The following DIAPH2 variants were observed in gnomAD, a reference collection of about 807,000 sequenced individuals.
DIAPH2 encodes the protein protein diaphanous homolog 2.
A neutral mutation model predicts 92.7 loss-of-function variants in DIAPH2; 35 were observed. The ratio of observed to expected loss-of-function variants is 0.38; its 90% CI spans 0.29 to 0.50. DIAPH2 has a LOEUF of 0.50. DIAPH2 is among the 20% of genes least tolerant of loss of function. The pLI is 0.94. For synonymous variants in DIAPH2, 301 were observed against 280.4 expected (o/e 1.07, Z -0.73); for missense variants, 701 against 819.5 (o/e 0.86, Z 1.77).
At chrX:97,008,920 C>T (rs1257176212) in intron 17 of DIAPH2, among the ~76,000 whole-genome samples, 4 of 111,156 alleles carry the variant, frequency 3.6e-5, no homozygotes, top group Admixed American at 9.6e-5. Context: ...ATGGTAAACA[C>T]TGCCAGGCTA....
In DIAPH2 at chrX:96,835,718, G is replaced by A. The variant is rs112909250; in HGVS notation, c.448-45861G>A. On this transcript the variant is annotated intron_variant, in intron 4 of 26. Transcript: ENST00000324765. Reference sequence around the variant, plus strand: ...AGAATGCTATTTATGTACAAATGCAGTTATCTGTTTAACTACAAAAAATGA... The same window carrying A: ...AGAATGCTATTTATGTACAAATGCAATTATCTGTTTAACTACAAAAAATGA... 7.6e-3 allele frequency among the ~76,000 whole-genome samples: 858 copies of A among 112,319 alleles called. 7 individuals carry two copies. Among genetic ancestry groups the A allele is most frequent in the African/African-American group, 0.026 (819 of 30,956 alleles).
At chrX:96,754,183 T>C (rs2064210033) in intron 3 of DIAPH2, among the ~76,000 whole-genome samples, 1 of 112,029 alleles carries the variant, frequency 8.9e-6, no homozygotes, top group Non-Finnish European at 1.9e-5. Context: ...TCCAGTCAGA[T>C]TTTTTTCATC....
chrX:97,320,185 A>T (rs1000822779), intron 23 of DIAPH2, among the ~76,000 whole-genome samples: 4 of 109,015 alleles, frequency 3.7e-5, no homozygotes, highest in Non-Finnish European at 5.7e-5. Flanking sequence ...TTGAAAGACT[A>T]TGTTTTTCTG....
At chrX:96,917,519 C>G (rs1428133108) in intron 8 of DIAPH2, among the ~76,000 whole-genome samples, 1 of 111,141 alleles carries the variant, frequency 9.0e-6, no homozygotes, top group Non-Finnish European at 1.9e-5. Flanking sequence ...TTTTAAAAGT[C>G]AGTTTATACA....
rs1311896827 is a variant in DIAPH2 at position 97,602,926 on chromosome X, TCTA to T, written c.*3611_*3613del. ...ACATTCTCAAAAATCTTGTGGGTCT[TCTA>T]CGTATGTCACATTGATTCACACATT... is the stretch of plus-strand genomic sequence containing the variant. On this transcript the variant is annotated 3_prime_UTR_variant, in exon 27 of 27. Coordinates refer to ENST00000324765, the MANE Select transcript of DIAPH2 (RefSeq NM_006729.5). 1 of 111,043 alleles carries T rather than the reference TCTA, an allele frequency of 9.0e-6. No homozygotes were observed. Among genetic ancestry groups the T allele is most frequent in the Admixed American group, 9.5e-5 (1 of 10,488 alleles). The allele number at this position is 111,043 out of a possible 1,213,427, so 9.2% of individuals were successfully genotyped here.
At chrX:97,399,772 C>G (rs914968346) in intron 25 of DIAPH2, among the ~76,000 whole-genome samples, 4 of 112,385 alleles carry the variant, frequency 3.6e-5, no homozygotes, top group Non-Finnish European at 7.5e-5. Flanking sequence ...GTAGAAGGAC[C>G]TGTTTTTCTC....
At chrX:97,463,432 C>G (rs2070478298) in intron 26 of DIAPH2, among the ~76,000 whole-genome samples, 1 of 109,874 alleles carries the variant, frequency 9.1e-6, no homozygotes, top group Non-Finnish European at 1.9e-5. Flanking sequence ...CACTCTGTCA[C>G]CAAGCTGGAG....
intron 4 of DIAPH2, among the ~76,000 whole-genome samples, chrX:96,762,848 C>T (rs995997834): frequency 2.3e-4 from 25 of 110,684 alleles, no homozygotes; most frequent in Non-Finnish European, 4.8e-4. Flanking sequence ...TAAAAAAATC[C>T]TCAAATAGTA....
At chrX:96,913,492 T>G (rs991672151) in intron 7 of DIAPH2, among the ~76,000 whole-genome samples, 8 of 111,615 alleles carry the variant, frequency 7.2e-5, no homozygotes, top group Non-Finnish European at 1.3e-4. Flanking sequence ...TATTGGTGGG[T>G]TTTTGAAATC....
chrX:96,881,993 AG>A (rs2065216011), intron 5 of DIAPH2, among the ~76,000 whole-genome samples: 1 of 111,531 alleles, frequency 9.0e-6, no homozygotes. Context: ...TTGTGGGATC[AG>A]ATAATTATTA....
intron 17 of DIAPH2, among the ~76,000 whole-genome samples, chrX:97,018,986 ATTCTTTCACTGAGCTTCTGC>A (rs967062248): frequency 1.8e-5 from 2 of 111,219 alleles, no homozygotes; most frequent in African/African-American, 6.5e-5. Flanking sequence ...ATCTTTCCGG[ATTCTTTCACTGAGCTTCTGC>A]TTCTTTCACT....
intron 4 of DIAPH2, among the ~76,000 whole-genome samples, chrX:96,786,967 T>C (rs1419936078): frequency 8.9e-6 from 1 of 112,286 alleles, no homozygotes. Context: ...CTTTGATTTA[T>C]ATGCAAATAT....
intron 24 of DIAPH2, among the ~76,000 whole-genome samples, chrX:97,369,031 C>A (rs1254202921): frequency 9.2e-6 from 1 of 108,443 alleles, no homozygotes; most frequent in African/African-American, 3.4e-5. Flanking sequence ...CCTTAGCCTC[C>A]CGAGCAGCTG....
chrX:97,207,689 C>T (rs2067808890), intron 22 of DIAPH2, among the ~76,000 whole-genome samples: 1 of 110,745 alleles, frequency 9.0e-6, no homozygotes, highest in South Asian at 3.9e-4. Flanking sequence ...TTACCTTCTG[C>T]CCAGTATTTG....
At chrX:97,067,806 T>C (rs1446533330) in intron 17 of DIAPH2, among the ~76,000 whole-genome samples, 1 of 111,820 alleles carries the variant, frequency 8.9e-6, no homozygotes, top group Admixed American at 9.5e-5. Context: ...GTAAATGCTG[T>C]GTGATATTAC....
chrX:97,277,877 C>T (rs1352343054), intron 23 of DIAPH2, among the ~76,000 whole-genome samples: 3 of 112,369 alleles, frequency 2.7e-5, no homozygotes, highest in South Asian at 3.7e-4. Flanking sequence ...TTAGCATTCT[C>T]GCTCTGTTGC....
intron 22 of DIAPH2, among the ~76,000 whole-genome samples, chrX:97,204,994 A>C (rs1427681378): frequency 3.6e-5 from 4 of 111,133 alleles, no homozygotes; most frequent in Non-Finnish European, 7.5e-5. Flanking sequence ...AATGGAGCAG[A>C]ACAGAGACCT....
At chrX:97,551,816 T>A (rs1449224295) in intron 26 of DIAPH2, among the ~76,000 whole-genome samples, 1 of 111,120 alleles carries the variant, frequency 9.0e-6, no homozygotes. Context: ...TTCATAAGAC[T>A]TTTAAGAAAT....
At chrX:97,379,042 A>G (rs1160148115) in intron 24 of DIAPH2, among the ~76,000 whole-genome samples, 1 of 111,998 alleles carries the variant, frequency 8.9e-6, no homozygotes, top group East Asian at 2.8e-4. Context: ...AGTCTTGCCA[A>G]CTATATTCAC....
Sources: allele counts gnomAD v4.1 joint callset (sites outside exome capture counted in the v4.1 genomes callset), GRCh38; gene constraint gnomAD v4.1.1; transcripts MANE v1.5; gene names NCBI Gene and HGNC (gene_info 2026-07-23, HGNC 2026-07-21).